ABTB2: variants seen among roughly 807,000 people sequenced by gnomAD.
ABTB2 encodes ankyrin repeat and BTB domain containing 2, also known as ankyrin repeat and BTB/POZ domain-containing protein 2.
In ABTB2, 56 loss-of-function variants were observed where a neutral mutation model predicts 104.1. The ratio of observed to expected loss-of-function variants is 0.54; its 90% CI spans 0.43 to 0.67. The LOEUF (loss-of-function observed/expected upper bound fraction) is 0.67. Ranked by LOEUF, ABTB2 falls within the 30% of genes least tolerant of loss-of-function variation. The pLI is 0.00. For synonymous variants in ABTB2, 606 were observed against 608.2 expected (o/e 1.00, Z 0.05); for missense variants, 1,279 against 1,407.7 (o/e 0.91, Z 1.46).
intron 1 of ABTB2, among the ~76,000 whole-genome samples, chr11:34,212,832 A>G (rs1853498058): frequency 6.6e-6 from 1 of 152,238 alleles, no homozygotes. Flanking sequence ...TGGTGAAGTC[A>G]GGCCCGGGGC....
chr11:34,238,520 G>A lies in ABTB2; in HGVS notation c.884-33830C>T, dbSNP rs79879636. On this transcript the variant is annotated intron_variant, in intron 1 of 16. Coordinates refer to ENST00000435224, the MANE Select transcript of ABTB2 (RefSeq NM_145804.3). ...GGTACTCAATAAATATTTGTTGAAT[G>A]GAGATGTGCCATGACTTATTCATGT... Among the ~76,000 whole-genome samples the A allele has an allele frequency of 2.7e-3, 414 of 152,312 alleles. 2 individuals carry two copies. Among genetic ancestry groups the A allele is most frequent in the African/African-American group, 9.7e-3 (402 of 41,564 alleles).
At chr11:34,311,609 A>T (rs1306527389) in intron 1 of ABTB2, among the ~76,000 whole-genome samples, 1 of 152,240 alleles carries the variant, frequency 6.6e-6, no homozygotes, top group African/African-American at 2.4e-5. Flanking sequence ...TTTCAGAGAT[A>T]AGCTGAGGTT....
chr11:34,152,958 T>C (rs2132996703), intron 16 of ABTB2, among the ~76,000 whole-genome samples: 1 of 152,274 alleles, frequency 6.6e-6, no homozygotes, highest in East Asian at 1.9e-4. Context: ...TCAACACATA[T>C]CAAGGGGCCG....
chr11:34,335,238 C>A lies in ABTB2; in HGVS notation c.883+21463G>T. The A allele has an allele frequency of 2.3e-6, 3 of 1,294,576 alleles. No individual in the cohort carries two copies. In the Admixed American group the frequency reaches 5.0e-5, roughly 22 times the overall value. The allele number at this position is 1,294,576 out of a possible 1,614,324, so 80.2% of individuals were successfully genotyped here. ...CACTTTAAGCATCGAAGGTCATCAA[C>A]AGAGAATCCTAAATGTCGGTAGCAT... On this transcript the variant is annotated intron_variant, in intron 1 of 16. Transcript: ENST00000435224.
intron 1 of ABTB2, among the ~76,000 whole-genome samples, chr11:34,228,829 T>C (rs536588364): frequency 3.3e-4 from 50 of 152,250 alleles, no homozygotes; most frequent in African/African-American, 1.2e-3. Context: ...AAGAAAGTGG[T>C]ATCTCAGGGG....
At chr11:34,247,173 G>T (rs931568004) in intron 1 of ABTB2, among the ~76,000 whole-genome samples, 4 of 152,168 alleles carry the variant, frequency 2.6e-5, no homozygotes, top group Non-Finnish European at 5.9e-5. Context: ...CTTAAGCTGG[G>T]CCAAGGCCTC....
intron 1 of ABTB2, among the ~76,000 whole-genome samples, chr11:34,253,300 C>A (rs1480169052): frequency 6.6e-6 from 1 of 152,196 alleles, no homozygotes; most frequent in South Asian, 2.1e-4. Flanking sequence ...CTGTTCATGT[C>A]GGCAACTCCT....
At position 34,154,299 on chromosome 11, in the gene ABTB2, A is replaced by C. The variant is rs778499663; in HGVS notation, c.2846T>G (p.Met949Arg). ...TTTGTAGGTGTTCACGGCACTCTCCATGCTGAGGGTCTGGGAGCACAGGAT... is the reference window on the plus strand; with the variant it reads ...TTTGTAGGTGTTCACGGCACTCTCCCTGCTGAGGGTCTGGGAGCACAGGAT... ...CEILCSQTLS[M>R]ESAVNTYKYA... Residue 949 changes from methionine to arginine, a missense_variant, in exon 16 of 17, where the codon ATG (methionine) becomes AGG (arginine). Transcript: ENST00000435224. The surrounding 1 kb of genome is among the most constrained non-coding windows in gnomAD (Gnocchi z 4.9). 13 of 1,614,086 alleles carry C rather than the reference A, an allele frequency of 8.1e-6. No homozygotes were observed. Among genetic ancestry groups the C allele is most frequent in the Non-Finnish European group, 1.1e-5 (13 of 1,179,980 alleles).
At chr11:34,299,745 G>C (rs1161031275) in intron 1 of ABTB2, among the ~76,000 whole-genome samples, 2 of 152,134 alleles carry the variant, frequency 1.3e-5, no homozygotes, top group Admixed American at 6.5e-5. Flanking sequence ...TGCTCATCTG[G>C]GGCTCCCAAT....
At chr11:34,316,352 CCT>C (rs1194573362) in intron 1 of ABTB2, among the ~76,000 whole-genome samples, 1 of 152,212 alleles carries the variant, frequency 6.6e-6, no homozygotes, top group Non-Finnish European at 1.5e-5. Flanking sequence ...GACAAGAACT[CCT>C]CACAGTAGGT....
intron 1 of ABTB2, among the ~76,000 whole-genome samples, chr11:34,352,380 A>G (rs916675196): frequency 6.6e-6 from 1 of 152,330 alleles, no homozygotes; most frequent in Middle Eastern, 3.4e-3. Context: ...TAGCCCCGTC[A>G]CACCATCCCA....
chr11:34,325,401 T>A (rs969195632), intron 1 of ABTB2, among the ~76,000 whole-genome samples: 13 of 152,180 alleles, frequency 8.5e-5, no homozygotes, highest in African/African-American at 3.1e-4. Context: ...GGCCCAAAGT[T>A]CTGCTATCTG....
At chr11:34,195,075 C>CGGGGGGGGGGGGGG (rs1461939590) in intron 3 of ABTB2, among the ~76,000 whole-genome samples, 3 of 18,056 alleles carry the variant, frequency 1.7e-4, no homozygotes, top group Non-Finnish European at 4.0e-4. Context: ...AGATGCCCGG[C>CGGGGGGGGGGGGGG]GGGGGGGGGG....
intron 3 of ABTB2, among the ~76,000 whole-genome samples, chr11:34,195,078 G>GGGGC (rs1554982318): frequency 1.0e-5 from 1 of 99,612 alleles, no homozygotes. Flanking sequence ...TGCCCGGCGG[G>GGGGC]GGGGGGGAGT....
intron 1 of ABTB2, among the ~76,000 whole-genome samples, chr11:34,287,816 T>C (rs1385873136): frequency 6.6e-6 from 1 of 152,100 alleles, no homozygotes; most frequent in East Asian, 1.9e-4. Flanking sequence ...GTTTCCGTGG[T>C]ATTTTTTTTC....
intron 1 of ABTB2, among the ~76,000 whole-genome samples, chr11:34,331,009 A>C (rs904131686): frequency 5.3e-5 from 8 of 152,240 alleles, no homozygotes; most frequent in African/African-American, 1.9e-4. Flanking sequence ...GCTTGGCAGC[A>C]GAGATTTCCA....
chr11:34,277,636 C>G (rs1854398667), intron 1 of ABTB2, among the ~76,000 whole-genome samples: 1 of 7,640 alleles, frequency 1.3e-4, no homozygotes, highest in Non-Finnish European at 2.3e-4. Flanking sequence ...CAAAAATTAG[C>G]CAGGTGTGGT....
Position 34,204,624 on chromosome 11 carries a change from GCTCGCTC to G in ABTB2, c.943_949del (p.Glu315ProfsTer27). The G allele has an allele frequency of 6.2e-7, 1 of 1,612,568 alleles. No individual in the cohort carries two copies. Among genetic ancestry groups the G allele is most frequent in the Non-Finnish European group, 8.5e-7 (1 of 1,179,762 alleles). On this transcript the variant is annotated frameshift_variant, in exon 2 of 17. Coordinates refer to ENST00000435224, the MANE Select transcript of ABTB2 (RefSeq NM_145804.3). LOFTEE classifies it high-confidence loss of function. ...GAGCTCCAGCTGGGCATAGGCATCG[GCTCGCTC>G]GTCATGGCCCAGGGACCCGCCGTTG...
chr11:34,300,252 G>A (rs996342060), intron 1 of ABTB2, among the ~76,000 whole-genome samples: 2 of 152,188 alleles, frequency 1.3e-5, no homozygotes, highest in Non-Finnish European at 2.9e-5. Flanking sequence ...TGCATTCAGC[G>A]TTGGGTAGTG....
Sources: allele counts gnomAD v4.1 joint callset (sites outside exome capture counted in the v4.1 genomes callset), GRCh38; gene constraint gnomAD v4.1.1; non-coding constraint Gnocchi (gnomAD v3.1); transcripts MANE v1.5; gene names NCBI Gene and HGNC (gene_info 2026-07-23, HGNC 2026-07-21).